The following ATRNL1 variants were observed in gnomAD, a reference collection of about 807,000 sequenced individuals.
The protein encoded by ATRNL1 is attractin-like protein 1.
In ATRNL1, 95 loss-of-function variants were observed where a neutral mutation model predicts 182.7. That is an observed-to-expected ratio of 0.52 (90% CI 0.44 to 0.62). ATRNL1 has a LOEUF of 0.62. Among genes scored for constraint, ATRNL1 ranks in the 20% least tolerant of loss-of-function variants. The pLI is 0.00. For missense variants in ATRNL1, 1,471 were observed against 1,679.5 expected (o/e 0.88, Z 2.17); for synonymous variants, 576 against 568.3 (o/e 1.01, Z -0.19).
chr10:115,583,664 G>A (rs1555008638), intron 26 of ATRNL1, among the ~76,000 whole-genome samples: 1 of 146,508 alleles, frequency 6.8e-6, no homozygotes, highest in African/African-American at 2.4e-5. Flanking sequence ...AGACAATGGG[G>A]TTTTCTAGAT....
At chr10:115,781,929 A>C (rs940904896) in intron 27 of ATRNL1, among the ~76,000 whole-genome samples, 4 of 152,178 alleles carry the variant, frequency 2.6e-5, no homozygotes, top group African/African-American at 4.8e-5. Context: ...ACTCTTACCC[A>C]CAATGTTTTT....
At chr10:115,672,101 T>G (rs1227850911) in intron 26 of ATRNL1, among the ~76,000 whole-genome samples, 1 of 152,150 alleles carries the variant, frequency 6.6e-6, no homozygotes, top group Non-Finnish European at 1.5e-5. Context: ...TAATTGTATA[T>G]AACACATTGT....
intron 1 of ATRNL1, among the ~76,000 whole-genome samples, chr10:115,106,845 GACTAATAC>G (rs1844034862): frequency 6.6e-6 from 1 of 152,106 alleles, no homozygotes; most frequent in African/African-American, 2.4e-5. Context: ...TGTGAAAATG[GACTAATAC>G]ACTTGGTAAT....
chr10:115,559,466 G>A (rs1316075464), intron 26 of ATRNL1, among the ~76,000 whole-genome samples: 1 of 149,716 alleles, frequency 6.7e-6, no homozygotes, highest in African/African-American at 2.5e-5. Context: ...GCACGCACAT[G>A]CGCAACCCTT....
intron 13 of ATRNL1, 63 bp from the exon 14 acceptor site, chr10:115,281,292 A>C: frequency 6.9e-7 from 1 of 1,449,998 alleles, no homozygotes; most frequent in East Asian, 2.4e-5. Context: ...TTAAATATAC[A>C]CTGAAGTTTA....
chr10:115,326,503 A>G (rs1854889943), intron 18 of ATRNL1, among the ~76,000 whole-genome samples: 1 of 152,166 alleles, frequency 6.6e-6, no homozygotes, highest in Non-Finnish European at 1.5e-5. Flanking sequence ...AAATGGCCAT[A>G]CTGCCCAAGG....
intron 5 of ATRNL1, among the ~76,000 whole-genome samples, chr10:115,154,428 C>T (rs782797022): frequency 6.6e-6 from 1 of 152,108 alleles, no homozygotes; most frequent in Non-Finnish European, 1.5e-5. Flanking sequence ...GGATAGTTAG[C>T]TCTTCTTGTT....
chr10:115,248,682 A>G (rs1450280058), intron 10 of ATRNL1, among the ~76,000 whole-genome samples: 1 of 152,164 alleles, frequency 6.6e-6, no homozygotes, highest in Non-Finnish European at 1.5e-5. Flanking sequence ...ACGGGTATGA[A>G]TGAGTTTTTT....
At chr10:115,844,743 A>G (rs1040632729) in intron 27 of ATRNL1, among the ~76,000 whole-genome samples, 4 of 152,084 alleles carry the variant, frequency 2.6e-5, no homozygotes, top group Non-Finnish European at 5.9e-5. Context: ...AGTACAACGA[A>G]TATGAAAATG....
intron 13 of ATRNL1, among the ~76,000 whole-genome samples, chr10:115,272,221 T>A (rs1295201953): frequency 1.3e-5 from 2 of 152,210 alleles, no homozygotes; most frequent in East Asian, 3.9e-4. Context: ...AAGTATTCCT[T>A]TATAGCATTG....
chr10:115,539,547 G>A (rs1554991335), intron 25 of ATRNL1, among the ~76,000 whole-genome samples: 2 of 152,176 alleles, frequency 1.3e-5, no homozygotes. Context: ...TTGAAACTTG[G>A]AAGTAACTAC....
intron 19 of ATRNL1, among the ~76,000 whole-genome samples, chr10:115,336,401 A>G (rs1288140882): frequency 6.6e-6 from 1 of 152,178 alleles, no homozygotes; most frequent in Non-Finnish European, 1.5e-5. Context: ...TTATATTTCT[A>G]AAAAGACCAA....
At chr10:115,362,394 G>C (rs1856791783) in intron 19 of ATRNL1, among the ~76,000 whole-genome samples, 1 of 151,778 alleles carries the variant, frequency 6.6e-6, no homozygotes. Context: ...ATCATGTTTG[G>C]TTTATGAGGA....
chr10:115,125,561 A>G (rs1447391687), intron 3 of ATRNL1, among the ~76,000 whole-genome samples: 4 of 151,670 alleles, frequency 2.6e-5, no homozygotes, highest in African/African-American at 7.3e-5. Context: ...GGAAAATCAT[A>G]TATAGTAATA....
At chr10:115,447,427 T>C (rs2134469346) in intron 21 of ATRNL1, among the ~76,000 whole-genome samples, 1 of 151,786 alleles carries the variant, frequency 6.6e-6, no homozygotes, top group South Asian at 2.1e-4. Flanking sequence ...TCAATATTTA[T>C]TGAGTACTTT....
chr10:115,929,161 G>T (rs1175861553), intron 28 of ATRNL1, among the ~76,000 whole-genome samples: 1 of 151,976 alleles, frequency 6.6e-6, no homozygotes, highest in African/African-American at 2.4e-5. Flanking sequence ...AATAAACAAA[G>T]TGTAGGGGCT....
intron 4 of ATRNL1, among the ~76,000 whole-genome samples, chr10:115,128,812 G>T (rs1438755048): frequency 2.9e-5 from 4 of 139,064 alleles, no homozygotes; most frequent in Non-Finnish European, 6.1e-5. Flanking sequence ...GGGCGACAGA[G>T]CGAGACTGTG....
At chr10:115,726,548 G>A (rs1193695674) in intron 26 of ATRNL1, among the ~76,000 whole-genome samples, 4 of 152,198 alleles carry the variant, frequency 2.6e-5, no homozygotes, top group African/African-American at 4.8e-5. Context: ...GGACTTGCTA[G>A]TTTATTGGTT....
At chr10:115,911,333 T>A (rs1952671961) in intron 28 of ATRNL1, among the ~76,000 whole-genome samples, 1 of 150,968 alleles carries the variant, frequency 6.6e-6, no homozygotes, top group African/African-American at 2.5e-5. Context: ...TTATTTATTT[T>A]CAAGATGGAG....
Sources: allele counts gnomAD v4.1 joint callset (sites outside exome capture counted in the v4.1 genomes callset), GRCh38; gene constraint gnomAD v4.1.1; transcripts MANE v1.5; gene names NCBI Gene and HGNC (gene_info 2026-07-23, HGNC 2026-07-21).